Variants in ING5 observed in about 807,000 individuals in gnomAD.
ING5 encodes the protein inhibitor of growth family member 5.
Under a neutral mutation model 37.4 loss-of-function variants are expected in ING5, and 17 were observed. That is an observed-to-expected ratio of 0.45 (90% CI 0.31 to 0.68). The LOEUF is 0.68. Ranked by LOEUF, ING5 falls within the 30% of genes least tolerant of loss-of-function variation. The pLI is 0.05. For synonymous variants in ING5, 123 were observed against 116.6 expected, an observed-to-expected ratio of 1.06 and a Z score of -0.36; for missense variants, 233 against 311.9, an observed-to-expected ratio of 0.75 and a Z score of 1.91.
At chr2:241,722,811 T>C in intron 5 of ING5, 128 bp from the exon 6 acceptor site, 1 of 1,519,474 alleles carries the variant, frequency 6.6e-7, no homozygotes, top group Non-Finnish European at 8.8e-7. Context: ...AATTTCCCCC[T>C]TGGAATGATT....
chr2:241,716,335 G>T (rs1454034477), intron 5 of ING5, among the ~76,000 whole-genome samples: 1 of 143,644 alleles, frequency 7.0e-6, no homozygotes, highest in African/African-American at 2.6e-5. Context: ...GCCCAGGCTG[G>T]AGTACAATTT....
chr2:241,698,761 T>G (rs2069669550), upstream of ING5, among the ~76,000 whole-genome samples: 2 of 152,180 alleles, frequency 1.3e-5, no homozygotes, highest in Admixed American at 1.3e-4. Context: ...AGAGTCTTGC[T>G]CTTGTTGCCC....
rs1228976371 is a variant in ING5, at chr2:241,702,079, T to G, written c.14T>G (p.Met5Arg). 2.2e-6 allele frequency: 3 copies of G among 1,389,258 alleles called. No homozygotes were observed. Among genetic ancestry groups the G allele is most frequent in the African/African-American group, 1.5e-5 (1 of 65,332 alleles). 86.1% of individuals were successfully genotyped at this position (1,389,258 alleles called of 1,614,324 possible). A position where few individuals can be genotyped will look rare whatever the true frequency, so the allele number is the denominator to read the frequency against. ...CCGCGGACGAAGATGGCGACCGCCA[T>G]GTACTTGGAGCACTATCTGGACAGT... MATA[M>R]YLEHYLDSIE... The change falls in exon 1 of 8, where the codon ATG becomes AGG. Residue 5 changes from methionine to arginine, a missense_variant. Transcript: ENST00000313552.
intron 5 of ING5, among the ~76,000 whole-genome samples, chr2:241,714,163 C>T (rs2070197964): frequency 6.6e-6 from 1 of 152,146 alleles, no homozygotes; most frequent in Non-Finnish European, 1.5e-5. Flanking sequence ...CTGTTAAAAT[C>T]ATAAACTCCT....
intron 2 of ING5, chr2:241,709,009 T>C: frequency 2.0e-6 from 1 of 496,866 alleles, no homozygotes; most frequent in Non-Finnish European, 3.6e-6. Context: ...CCTGGGCACG[T>C]TGCCGTAAAG....
chr2:241,698,719 C>T (rs1481450608), upstream of ING5, among the ~76,000 whole-genome samples: 2 of 152,032 alleles, frequency 1.3e-5, no homozygotes, highest in African/African-American at 4.8e-5. Flanking sequence ...GCTAAAAGTT[C>T]CTGTATTGTT....
intron 5 of ING5, among the ~76,000 whole-genome samples, chr2:241,719,222 T>C (rs2070362494): frequency 6.6e-6 from 1 of 152,260 alleles, no homozygotes. Flanking sequence ...ATTTTCCCTC[T>C]GCTTTTAGTT....
chr2:241,715,196 TG>T (rs1011415042), intron 5 of ING5, among the ~76,000 whole-genome samples: 25 of 152,206 alleles, frequency 1.6e-4, no homozygotes, highest in African/African-American at 5.5e-4. Flanking sequence ...TATTTTAGAA[TG>T]TTTTTCTTGT....
chr2:241,701,236 T>C (rs1442430399), upstream of ING5, among the ~76,000 whole-genome samples: 1 of 152,036 alleles, frequency 6.6e-6, no homozygotes, highest in Non-Finnish European at 1.5e-5. Flanking sequence ...AGTGATGGGA[T>C]TACAGGCGTG....
chr2:241,695,708 C>T (rs1429294808), intron 2 of ING5, among the ~76,000 whole-genome samples: 7 of 151,926 alleles, frequency 4.6e-5, no homozygotes, highest in Admixed American at 4.6e-4. Context: ...TCTTTTAAAC[C>T]ACTAAGTTTT....
chr2:241,701,309 A>G (rs200954898), upstream of ING5, among the ~76,000 whole-genome samples: 4 of 115,614 alleles, frequency 3.5e-5, no homozygotes, highest in Non-Finnish European at 5.6e-5. Context: ...TTTGCACGCC[A>G]TCTTATTAAC....
intron 5 of ING5, among the ~76,000 whole-genome samples, chr2:241,718,304 CCTTT>C (rs1226318600): frequency 2.0e-5 from 3 of 150,196 alleles, no homozygotes; most frequent in East Asian, 2.0e-4. Context: ...TTCCTTCCTT[CCTTT>C]CTTCTTTCCT....
chr2:241,696,957 C>T (rs915825210), intron 2 of ING5, among the ~76,000 whole-genome samples: 2 of 152,060 alleles, frequency 1.3e-5, no homozygotes, highest in Non-Finnish European at 2.9e-5. Context: ...TGGCAGGCAC[C>T]TGTAATCCCA....
At chr2:241,702,269 G>C (rs1202844336) in intron 1 of ING5, among the ~76,000 whole-genome samples, 167 bp downstream of exon 1, 5 of 147,816 alleles carry the variant, frequency 3.4e-5, no homozygotes, top group Non-Finnish European at 7.5e-5. Context: ...GGCCGCAAGG[G>C]AGGGGAGGGC....
At chr2:241,723,739 T>C in intron 7 of ING5, 1 of 1,596,736 alleles carries the variant, frequency 6.3e-7, no homozygotes, top group South Asian at 1.1e-5. Flanking sequence ...TTTCTCTACC[T>C]GACCCTTGCA....
intron 2 of ING5, among the ~76,000 whole-genome samples, chr2:241,693,604 G>A (rs1363440431): frequency 6.6e-6 from 1 of 150,906 alleles, no homozygotes; most frequent in African/African-American, 2.4e-5. Flanking sequence ...CATGGAGTGT[G>A]CTGTCCCGCC....
At chr2:241,702,631 C>G (rs1028314803) in intron 1 of ING5, among the ~76,000 whole-genome samples, 2 of 152,156 alleles carry the variant, frequency 1.3e-5, no homozygotes, top group Admixed American at 6.5e-5. Flanking sequence ...CGTCTCTCCC[C>G]GGCACTGGGG....
intron 5 of ING5, chr2:241,720,951 G>A: frequency 1.0e-6 from 1 of 985,648 alleles, no homozygotes; most frequent in Non-Finnish European, 1.2e-6. Flanking sequence ...TTGCTGGGCG[G>A]TCCCCTCAGG....
intron 2 of ING5, among the ~76,000 whole-genome samples, chr2:241,704,996 A>G (rs1195117966): frequency 6.6e-6 from 1 of 152,190 alleles, no homozygotes; most frequent in Non-Finnish European, 1.5e-5. Flanking sequence ...TTTCTTTTAA[A>G]TATTTTCAAT....
Sources: gnomAD v4.1 joint callset for allele counts (sites outside exome capture counted in the v4.1 genomes callset) on GRCh38, gnomAD v4.1.1 for gene constraint, MANE v1.5 for transcripts, NCBI Gene and HGNC (gene_info 2026-07-23, HGNC 2026-07-21) for gene names.